TMC3: variants seen among roughly 807,000 people sequenced by gnomAD.
TMC3 encodes the protein transmembrane channel-like protein 3.
A neutral mutation model predicts 110.6 loss-of-function variants in TMC3; 98 were observed. The ratio of observed to expected loss-of-function variants is 0.89; its 90% CI spans 0.75 to 1.05. The LOEUF (loss-of-function observed/expected upper bound fraction) is 1.05, where lower values mean the gene tolerates loss of function less well. Among genes scored for constraint, TMC3 ranks in the 50% least tolerant of loss-of-function variants. The pLI is 0.00. For synonymous variants in TMC3, 489 were observed against 513.1 expected, an observed-to-expected ratio of 0.95 and a Z score of 0.63; for missense variants, 1,319 against 1,373.2, an observed-to-expected ratio of 0.96 and a Z score of 0.62.
chr15:81,364,512 T>A (rs1894261271), intron 3 of TMC3, among the ~76,000 whole-genome samples: 1 of 125,026 alleles, frequency 8.0e-6, no homozygotes, highest in African/African-American at 3.1e-5. Flanking sequence ...AAGGGGAATA[T>A]CACACTCTGG....
Position 81,358,248 on chromosome 15 carries a change from C to T in TMC3, c.644G>A (p.Arg215Lys). 1 of 1,613,432 alleles carries T rather than the reference C, an allele frequency of 6.2e-7. No homozygotes were observed. ...YSVLFYGYYGRERKIGRAGYR... is the reference protein window; with the variant it reads ...YSVLFYGYYGKERKIGRAGYR... ...GCCAGCTCTCCCGATCTTCCTCTCCCTGCCGTAATATCCGTAGAAGAGGAC... is the reference window on the plus strand; with the variant it reads ...GCCAGCTCTCCCGATCTTCCTCTCCTTGCCGTAATATCCGTAGAAGAGGAC... The change falls in exon 7 of 22, where the codon AGG (arginine) becomes AAG (lysine). Residue 215 changes from arginine (R) to lysine (K), a missense_variant. Transcript: ENST00000359440.
At chr15:81,359,110 C>T (rs946361753) in intron 5 of TMC3, among the ~76,000 whole-genome samples, 3 of 152,204 alleles carry the variant, frequency 2.0e-5, no homozygotes, top group African/African-American at 4.8e-5. Context: ...AACACAACCA[C>T]ATCCACTGGT....
chr15:81,363,449 T>G (rs1894236247), intron 3 of TMC3, among the ~76,000 whole-genome samples: 1 of 152,194 alleles, frequency 6.6e-6, no homozygotes, highest in African/African-American at 2.4e-5. Flanking sequence ...AAAGAGGGAT[T>G]ACAAATGTAA....
intron 16 of TMC3, 148 bp downstream of exon 16, chr15:81,341,242 T>C (rs888607962): frequency 1.7e-5 from 12 of 704,824 alleles, no homozygotes; most frequent in Non-Finnish European, 2.4e-5. Flanking sequence ...AAATGGCTCT[T>C]GGAGGAGACA....
chr15:81,354,873 T>C (rs1318562494), intron 9 of TMC3, among the ~76,000 whole-genome samples: 2 of 152,072 alleles, frequency 1.3e-5, no homozygotes, highest in African/African-American at 2.4e-5. Context: ...GTTGTTATTA[T>C]TATTATCAAC....
intron 12 of TMC3, among the ~76,000 whole-genome samples, chr15:81,345,360 G>GT (rs1893804018): frequency 6.6e-6 from 1 of 152,214 alleles, no homozygotes; most frequent in Admixed American, 6.5e-5. Context: ...TAATGCTCAA[G>GT]GTCACGCTGC....
At chr15:81,335,379 A>C (rs769152725) in intron 20 of TMC3, among the ~76,000 whole-genome samples, 11 of 152,212 alleles carry the variant, frequency 7.2e-5, no homozygotes, top group Non-Finnish European at 1.6e-4. Context: ...GAAAATGAAC[A>C]CTGGACAATG....
chr15:81,369,714 A>T (rs1180242882), intron 2 of TMC3, among the ~76,000 whole-genome samples: 1 of 152,098 alleles, frequency 6.6e-6, no homozygotes, highest in Non-Finnish European at 1.5e-5. Context: ...ACTTGAGCCC[A>T]GGAGTTCAAG....
chr15:81,356,347 C>T (rs981104992), intron 8 of TMC3, 100 bp downstream of exon 8: 2 of 1,321,508 alleles, frequency 1.5e-6, no homozygotes, highest in Non-Finnish European at 2.0e-6. Flanking sequence ...CAATGAACAT[C>T]AATGGGAAGA....
intron 3 of TMC3, among the ~76,000 whole-genome samples, chr15:81,365,398 C>T (rs922308480): frequency 6.6e-6 from 1 of 152,184 alleles, no homozygotes; most frequent in African/African-American, 2.4e-5. Context: ...AAGGGCCGGG[C>T]GCGATGGCTT....
At chr15:81,342,626 T>C (rs1289779588) in intron 15 of TMC3, 1 of 152,260 alleles carries the variant, frequency 6.6e-6, no homozygotes, top group African/African-American at 2.4e-5. Context: ...TTTTACTGAA[T>C]GATTATGAAG....
intron 19 of TMC3, 34 bp downstream of exon 19, chr15:81,337,811 CA>C: frequency 6.4e-7 from 1 of 1,550,930 alleles, no homozygotes; most frequent in Non-Finnish European, 8.9e-7. Context: ...GTGGTTGACA[CA>C]TATTCATAAT....
intron 10 of TMC3, among the ~76,000 whole-genome samples, 173 bp from the exon 11 acceptor site, chr15:81,349,740 GCCA>G (rs1893902117): frequency 6.7e-6 from 1 of 149,674 alleles, no homozygotes; most frequent in Non-Finnish European, 1.5e-5. Flanking sequence ...TCAAAAGGCG[GCCA>G]CCACTTTATC....
chr15:81,365,606 G>A (rs868668119), intron 3 of TMC3, among the ~76,000 whole-genome samples: 17 of 149,930 alleles, frequency 1.1e-4, no homozygotes, highest in African/African-American at 4.2e-4. Context: ...AGGAGGCAGA[G>A]GTTGCAGTGA....
At chr15:81,340,558 A>T (rs74557635) in intron 16 of TMC3, among the ~76,000 whole-genome samples, 9,890 of 152,324 alleles carry the variant, frequency 0.065, 319 homozygotes, top group African/African-American at 0.076. Context: ...AGTATTTAGA[A>T]TGTGTTATGA....
chr15:81,356,735 G>A, intron 7 of TMC3, 141 bp from the exon 8 acceptor site: 2 of 896,482 alleles, frequency 2.2e-6, no homozygotes, highest in Non-Finnish European at 3.3e-6. Flanking sequence ...GCTTGGACAG[G>A]AGAGCACCGA....
Position 81,345,013 on chromosome 15 carries a change from T to TGGGGAGAG in TMC3, c.1273-10_1273-3dup. ...TGTGTTATTTTTGGTAGCCATTTCC[T>TGGGGAGAG]GGGGAGAGAGAGAGAGAGAGAGAGG... On this transcript the variant is annotated splice_region_variant and splice_polypyrimidine_tract_variant and intron_variant, in intron 12 of 21. Transcript: ENST00000359440. 1 of 1,563,682 alleles carries TGGGGAGAG rather than the reference T, an allele frequency of 6.4e-7. No individual in the cohort carries two copies. Among genetic ancestry groups the TGGGGAGAG allele is most frequent in the Non-Finnish European group, 8.7e-7 (1 of 1,153,400 alleles).
chr15:81,348,915 C>T (rs569427136), intron 11 of TMC3, among the ~76,000 whole-genome samples: 26 of 152,328 alleles, frequency 1.7e-4, no homozygotes, highest in African/African-American at 3.4e-4. Flanking sequence ...CTCTGCCAAG[C>T]GATTCTCCTG....
chr15:81,360,756 G>A (rs1894170417), intron 4 of TMC3, among the ~76,000 whole-genome samples: 1 of 152,098 alleles, frequency 6.6e-6, no homozygotes, highest in African/African-American at 2.4e-5. Flanking sequence ...ATGCCCCTCT[G>A]TCAATGGTCA....
Sources: allele counts gnomAD v4.1 joint callset (sites outside exome capture counted in the v4.1 genomes callset), GRCh38; gene constraint gnomAD v4.1.1; transcripts MANE v1.5; gene names NCBI Gene and HGNC (gene_info 2026-07-23, HGNC 2026-07-21).